Variants in OTOP3 observed in about 807,000 individuals in gnomAD.
OTOP3 encodes otopetrin 3.
OTOP3 carries 41 observed loss-of-function variants against 50.8 expected under a neutral mutation model. That is an observed-to-expected ratio of 0.81 (90% confidence interval 0.63 to 1.05). The LOEUF (loss-of-function observed/expected upper bound fraction) is 1.05. Ranked by LOEUF, OTOP3 falls within the 50% of genes least tolerant of loss-of-function variation. The probability of loss-of-function intolerance (pLI) is 0.00; values close to 1 mark genes in which losing one functional copy is unlikely to be tolerated. For synonymous variants in OTOP3, 320 were observed against 324.4 expected, an observed-to-expected ratio of 0.99 and a Z score of 0.14; for missense variants, 788 against 760.8, an observed-to-expected ratio of 1.04 and a Z score of -0.42.
chr17:74,946,467 T>C (rs1400479239), intron 5 of OTOP3, among the ~76,000 whole-genome samples, 194 bp from the exon 6 acceptor site: 1 of 152,238 alleles, frequency 6.6e-6, no homozygotes. Flanking sequence ...CTTCAATTCC[T>C]TTGAAAAAGA....
intron 5 of OTOP3, among the ~76,000 whole-genome samples, chr17:74,944,950 C>CT (rs923565859): frequency 2.6e-5 from 4 of 150,992 alleles, no homozygotes; most frequent in Admixed American, 6.6e-5. Flanking sequence ...TTCTTTCTTT[C>CT]TTTTTTTTTC....
In OTOP3 at chr17:74,946,714, C is replaced by T. The variant is rs148642640; in HGVS notation, c.805C>T (p.Arg269Trp). The change falls in exon 6 of 7, where the codon CGG becomes TGG. Residue 269 changes from arginine (R) to tryptophan (W), a missense_variant. Transcript: ENST00000328801. ...CAATGCCACCGCGTGTGAAGCTTTC[C>T]GGAGAGGCTTCCTGATGCTCTACCC... ...CLNATACEAFRRGFLMLYPFS... is the reference protein window; with the variant it reads ...CLNATACEAFWRGFLMLYPFS... 97 of 1,612,954 alleles carry T rather than the reference C, an allele frequency of 6.0e-5. No homozygotes were observed. The highest frequency in any genetic ancestry group is 1.1e-4 in the East Asian group (5 of 44,890).
Position 74,941,919 on chromosome 17 carries a change from G to A in OTOP3, c.455G>A (p.Gly152Asp). 1 of 1,609,692 alleles carries A rather than the reference G, an allele frequency of 6.2e-7. No homozygotes were observed. Reference protein sequence around the residue: ...LWVRGSLVLFGSCTFCLNIFR... With the variant: ...LWVRGSLVLFDSCTFCLNIFR... ...CGGCCAGGTTCCCTAGTGCTCTTCG[G>A]CAGCTGCACCTTCTGCCTCAACATC... The change falls in exon 3 of 7, where the codon GGC becomes GAC. Residue 152 changes from glycine (G) to aspartate (D), a missense_variant. Coordinates refer to ENST00000328801, the MANE Select transcript of OTOP3 (RefSeq NM_001272005.2).
intron 1 of OTOP3, 148 bp downstream of exon 1, chr17:74,936,088 C>A: frequency 7.7e-7 from 1 of 1,299,956 alleles, no homozygotes; most frequent in African/African-American, 1.5e-5. Flanking sequence ...GGTGAACTCC[C>A]TTTAATCTGA....
At chr17:74,935,967 T>A in intron 1 of OTOP3, 27 bp downstream of exon 1, 3 of 1,539,668 alleles carry the variant, frequency 1.9e-6, no homozygotes, top group Non-Finnish European at 2.6e-6. Flanking sequence ...GGCGGAACTT[T>A]CCCAGCTTGC....
chr17:74,944,402 C>T (rs2039206754), intron 5 of OTOP3, among the ~76,000 whole-genome samples: 1 of 152,218 alleles, frequency 6.6e-6, no homozygotes, highest in Non-Finnish European at 1.5e-5. Flanking sequence ...GCTTGCATTT[C>T]TCAGAAAAGC....
chr17:74,943,019 C>T (rs891258995), intron 3 of OTOP3, among the ~76,000 whole-genome samples: 8 of 152,324 alleles, frequency 5.3e-5, no homozygotes, highest in East Asian at 1.9e-4. Flanking sequence ...TTGGGTGCTT[C>T]GTTCCCGCAG....
Position 74,941,669 on chromosome 17 carries a change from C to T in OTOP3, c.296C>T (p.Thr99Ile). The T allele has an allele frequency of 6.2e-7, 1 of 1,614,190 alleles. No homozygotes were observed. Among genetic ancestry groups the T allele is most frequent in the Non-Finnish European group, 8.5e-7 (1 of 1,180,022 alleles). The change falls in exon 2 of 7, where the codon ACT becomes ATT. Residue 99 changes from threonine (T) to isoleucine (I), a missense_variant. Transcript: ENST00000328801. ...CSMIFNKVAV[T>I]LGDVWILLAT... ...ATGATCTTCAACAAGGTGGCCGTCACTCTGGGTGACGTGTGGATCCTGCTG... is the reference window on the plus strand; with the variant it reads ...ATGATCTTCAACAAGGTGGCCGTCATTCTGGGTGACGTGTGGATCCTGCTG...
At chr17:74,936,479 G>C (rs928511412) in intron 1 of OTOP3, among the ~76,000 whole-genome samples, 2 of 152,164 alleles carry the variant, frequency 1.3e-5, no homozygotes, top group African/African-American at 4.8e-5. Flanking sequence ...TTGGACTGGC[G>C]TCGCGCCCAG....
intron 5 of OTOP3, among the ~76,000 whole-genome samples, chr17:74,945,984 GTT>G (rs36000752): frequency 5.4e-5 from 8 of 148,398 alleles, no homozygotes; most frequent in South Asian, 4.2e-4. Flanking sequence ...GTTTTTTGTG[GTT>G]TTTTTTTTTG....
chr17:74,936,849 A>G (rs2039120938), intron 1 of OTOP3, among the ~76,000 whole-genome samples: 1 of 150,620 alleles, frequency 6.6e-6, no homozygotes, highest in Admixed American at 6.6e-5. Flanking sequence ...GCCAACACTG[A>G]GTTTTCCAGG....
chr17:74,935,904 G>T lies in OTOP3; in HGVS notation c.-18G>T, dbSNP rs763084768. ...GACGATCCGCTCAGCGCCCGCAGTC[G>T]GTGGTTAGCCCACGGCGATGCCTCT... On this transcript the variant is annotated 5_prime_UTR_variant, in exon 1 of 7. Coordinates refer to ENST00000328801, the MANE Select transcript of OTOP3 (RefSeq NM_001272005.2). The T allele has an allele frequency of 6.5e-7, 1 of 1,546,890 alleles. No individual in the cohort carries two copies. Among genetic ancestry groups the T allele is most frequent in the South Asian group, 1.2e-5 (1 of 84,028 alleles).
chr17:74,939,318 T>G (rs1396204611), intron 1 of OTOP3, among the ~76,000 whole-genome samples: 1 of 152,092 alleles, frequency 6.6e-6, no homozygotes, highest in South Asian at 2.1e-4. Flanking sequence ...GATGTCACTC[T>G]GAGATTGTGA....
Position 74,949,453 on chromosome 17 carries a change from G to C in OTOP3, c.*37G>C, listed in dbSNP as rs200153141. On this transcript the variant is annotated 3_prime_UTR_variant, in exon 7 of 7. Transcript: ENST00000328801. ...CCCGGCAGAACCTCGAAGTGCCAAG[G>C]TGGGGAAGATGGTAGCCCAGAGTCT... 2.9e-5 allele frequency: 47 copies of C among 1,604,964 alleles called. No individual in the cohort carries two copies. In the East Asian group the frequency reaches 1.0e-3, roughly 35 times the overall value.
At chr17:74,943,849 G>C in intron 5 of OTOP3, 125 bp downstream of exon 5, 4 of 804,154 alleles carry the variant, frequency 5.0e-6, no homozygotes, top group Non-Finnish European at 7.8e-6. Flanking sequence ...AGAGTTGGGA[G>C]CAAACTCTAG....
At chr17:74,944,970 C>T (rs2039211630) in intron 5 of OTOP3, among the ~76,000 whole-genome samples, 1 of 151,316 alleles carries the variant, frequency 6.6e-6, no homozygotes, top group Non-Finnish European at 1.5e-5. Context: ...CTTTTTGAGA[C>T]AGGGTGTCGC....
At chr17:74,940,613 C>A (rs908850627) in intron 1 of OTOP3, among the ~76,000 whole-genome samples, 2 of 152,130 alleles carry the variant, frequency 1.3e-5, no homozygotes, top group East Asian at 3.9e-4. Context: ...GGAGCACAAG[C>A]CCTATCGTGA....
At chr17:74,944,071 C>T (rs527981370) in intron 5 of OTOP3, among the ~76,000 whole-genome samples, 1 of 152,248 alleles carries the variant, frequency 6.6e-6, no homozygotes, top group Admixed American at 6.5e-5. Context: ...AACAGCCTCC[C>T]GGCTGAAAGG....
chr17:74,943,611 G>C lies in OTOP3; in HGVS notation c.638G>C (p.Gly213Ala). 1 of 1,613,794 alleles carries C rather than the reference G, an allele frequency of 6.2e-7. No individual in the cohort carries two copies. Among genetic ancestry groups the C allele is most frequent in the Non-Finnish European group, 8.5e-7 (1 of 1,179,954 alleles). The stretch of plus-strand genomic sequence containing the variant: ...GAGTGTGGCATTTCCCCCAGGTGTG[G>C]CCTGATGCTGACCCTGGCCACAAAC... ...VRVQTNFTRC[G>A]LMLTLATNLL... is the part of the protein sequence containing the mutation. The change falls in exon 5 of 7, where the codon GGC becomes GCC. Residue 213 changes from glycine (G) to alanine (A), a missense_variant. By Grantham distance (60) the Gly-to-Ala change is moderately conservative. Coordinates refer to ENST00000328801, the MANE Select transcript of OTOP3 (RefSeq NM_001272005.2).
Sources: gnomAD v4.1 joint callset for allele counts (sites outside exome capture counted in the v4.1 genomes callset) on GRCh38, gnomAD v4.1.1 for gene constraint, MANE v1.5 for transcripts, NCBI Gene and HGNC (gene_info 2026-07-23, HGNC 2026-07-21) for gene names.